CDC6: variants seen among roughly 807,000 people sequenced by gnomAD.
The protein encoded by CDC6 is cell division cycle 6.
Under a neutral mutation model 60.2 loss-of-function variants are expected in CDC6, and 46 were observed. The observed-to-expected ratio is 0.76, with a 90% CI of 0.60 to 0.98. The LOEUF is 0.98. CDC6 is among the 50% of genes least tolerant of loss of function. The pLI is 0.00. For synonymous variants in CDC6, 210 were observed against 233.2 expected, an observed-to-expected ratio of 0.90 and a Z score of 0.90; for missense variants, 596 against 652.9, an observed-to-expected ratio of 0.91 and a Z score of 0.95.
intron 4 of CDC6, among the ~76,000 whole-genome samples, chr17:40,293,164 G>A (rs1409199280): frequency 5.3e-5 from 8 of 152,006 alleles, no homozygotes; most frequent in Non-Finnish European, 4.4e-5. Flanking sequence ...ACTTCAACCC[G>A]GGAGGCAGAG....
At chr17:40,300,243 C>T (rs1161866303) in intron 9 of CDC6, among the ~76,000 whole-genome samples, 2 of 152,232 alleles carry the variant, frequency 1.3e-5, no homozygotes, top group African/African-American at 4.8e-5. Context: ...GGATTACAGG[C>T]GTGAGCCACT....
At position 40,302,224 on chromosome 17, in the gene CDC6, C is replaced by T. The variant is rs1227063441; in HGVS notation, c.*223C>T. On this transcript the variant is annotated 3_prime_UTR_variant, in exon 12 of 12. Coordinates refer to ENST00000209728, the MANE Select transcript of CDC6 (RefSeq NM_001254.4). ...TGACCAGGTAGACCCTTTTTAATTA[C>T]ATTCACTACTTCTACCACTTGTGTA... is the stretch of plus-strand genomic sequence containing the variant. The T allele has an allele frequency of 1.1e-5, 6 of 548,470 alleles. No homozygotes were observed. The highest frequency in any genetic ancestry group is 3.8e-5 in the African/African-American group (2 of 52,910). 34.0% of individuals were successfully genotyped at this position (548,470 alleles called of 1,614,324 possible). A position where few individuals can be genotyped will look rare whatever the true frequency, so the allele number is the denominator to read the frequency against.
rs2032949577 is a variant in CDC6 at position 40,302,157 on chromosome 17, C to T, written c.*156C>T. 3 of 670,384 alleles carry T rather than the reference C, an allele frequency of 4.5e-6. No individual in the cohort carries two copies. The highest frequency in any genetic ancestry group is 8.1e-6 in the Non-Finnish European group (3 of 370,602). 41.5% of individuals were successfully genotyped at this position (670,384 alleles called of 1,614,324 possible). A position where few individuals can be genotyped will look rare whatever the true frequency, so the allele number is the denominator to read the frequency against. On this transcript the variant is annotated 3_prime_UTR_variant, in exon 12 of 12. Coordinates refer to ENST00000209728, the MANE Select transcript of CDC6 (RefSeq NM_001254.4). ...ATCTATAGATTCTTTAATATTAGCA[C>T]AGAATAATATCTTTGGGTCTTACTA...
chr17:40,301,157 A>AT, intron 10 of CDC6, 127 bp downstream of exon 10: 3 of 771,986 alleles, frequency 3.9e-6, no homozygotes, highest in Non-Finnish European at 6.9e-6. Flanking sequence ...AACAGTAAGA[A>AT]TTAATACTGG....
At position 40,303,966 on chromosome 17, in the gene CDC6, C is replaced by T. The variant is rs1485413945; in HGVS notation, c.*1965C>T. ...ACCTCATTGTGTTTGAGGCTTGGCG[C>T]CTTCCTCTTAACTGTAGGGCTTGAG... On this transcript the variant is annotated 3_prime_UTR_variant, in exon 12 of 12. Coordinates refer to ENST00000209728, the MANE Select transcript of CDC6 (RefSeq NM_001254.4). The T allele has an allele frequency of 6.6e-6, 1 of 152,264 alleles. No homozygotes were observed. The highest frequency in any genetic ancestry group is 2.4e-5 in the African/African-American group (1 of 41,472). 9.4% of individuals were successfully genotyped at this position (152,264 alleles called of 1,614,324 possible). A position where few individuals can be genotyped will look rare whatever the true frequency, so the allele number is the denominator to read the frequency against.
chr17:40,288,821 C>T (rs1312580626), intron 1 of CDC6, among the ~76,000 whole-genome samples: 1 of 152,126 alleles, frequency 6.6e-6, no homozygotes, highest in African/African-American at 2.4e-5. Flanking sequence ...GTCTCGGCCT[C>T]CCAAAGTGTT....
Position 40,302,294 on chromosome 17 carries a change from A to C in CDC6, c.*293A>C. 5.3e-6 allele frequency: 2 copies of C among 377,598 alleles called. No individual in the cohort carries two copies. Among genetic ancestry groups the C allele is most frequent in the South Asian group, 3.0e-5 (1 of 32,996 alleles). 23.4% of individuals were successfully genotyped at this position (377,598 alleles called of 1,614,324 possible). ...CAAGTGTACAGATCTGTGTAGAGGA[A>C]TGTGTGTATATTTACCTCTTCGTTT... On this transcript the variant is annotated 3_prime_UTR_variant, in exon 12 of 12. Coordinates refer to ENST00000209728, the MANE Select transcript of CDC6 (RefSeq NM_001254.4).
chr17:40,289,980 C>T (rs573761792), intron 2 of CDC6, among the ~76,000 whole-genome samples: 2 of 151,842 alleles, frequency 1.3e-5, no homozygotes, highest in Admixed American at 1.3e-4. Flanking sequence ...CTGCCTCGGC[C>T]TCCCAAAGTG....
intron 1 of CDC6, among the ~76,000 whole-genome samples, chr17:40,288,861 G>C (rs1598512556): frequency 1.3e-5 from 2 of 152,236 alleles, no homozygotes; most frequent in East Asian, 3.9e-4. Flanking sequence ...ACCGCGTTTG[G>C]CCGTAATTTT....
chr17:40,294,632 T>C lies in CDC6; in HGVS notation c.1083+129T>C, dbSNP rs1283003390. The C allele has an allele frequency of 6.3e-6, 5 of 790,590 alleles. No homozygotes were observed. The African/African-American group carries it at 6.9e-5, about 11-fold the overall frequency. The allele number at this position is 790,590 out of a possible 1,614,324, so 49.0% of individuals were successfully genotyped here. ...TGGAGCAAGGAGTTCCTATGGACCA[T>C]AGTGAGAACATTTTTATGTGAATTT... On this transcript the variant is annotated intron_variant, in intron 7 of 11. Transcript: ENST00000209728.
intron 9 of CDC6, among the ~76,000 whole-genome samples, chr17:40,299,352 C>T (rs1349970268): frequency 6.6e-6 from 1 of 151,346 alleles, no homozygotes; most frequent in Non-Finnish European, 1.5e-5. Flanking sequence ...GGAAACCCAT[C>T]GCCTTGTTGC....
intron 9 of CDC6, among the ~76,000 whole-genome samples, chr17:40,297,163 G>A (rs1306086452): frequency 1.3e-5 from 2 of 152,124 alleles, no homozygotes; most frequent in Non-Finnish European, 2.9e-5. Flanking sequence ...GAAGCCAGGT[G>A]CGGTGGTTCA....
rs1298438044 is a variant in CDC6, at chr17:40,304,308, T to A, written c.*2307T>A. On this transcript the variant is annotated 3_prime_UTR_variant, in exon 12 of 12. Coordinates refer to ENST00000209728, the MANE Select transcript of CDC6 (RefSeq NM_001254.4). ...CCTTGTGGGAGCAAAAGCTGATATA[T>A]GTTTGTCAGTAAAGTCTTAAGTGTA... is the stretch of plus-strand genomic sequence containing the variant. 6.6e-6 allele frequency: 1 copy of A among 152,210 alleles called. No homozygotes were observed. The highest frequency in any genetic ancestry group is 2.4e-5 in the African/African-American group (1 of 41,448). 9.4% of individuals were successfully genotyped at this position (152,210 alleles called of 1,614,324 possible).
chr17:40,294,445 A>C lies in CDC6; in HGVS notation c.1025A>C (p.Asn342Thr), dbSNP rs1202951063. Reference protein sequence around the residue: ...AREKCKPQLLNFPPYTRNQIV... With the variant: ...AREKCKPQLLTFPPYTRNQIV... ...GAAAAATGTAAGCCACAGCTGTTGA[A>C]CTTCCCACCTTATACCAGAAATCAG... The change falls in exon 7 of 12, where the codon AAC becomes ACC. Residue 342 changes from asparagine (N) to threonine (T), a missense_variant. By Grantham distance (65) the Asn-to-Thr change is moderately conservative (BLOSUM62 0). Coordinates refer to ENST00000209728, the MANE Select transcript of CDC6 (RefSeq NM_001254.4). The C allele has an allele frequency of 5.6e-6, 9 of 1,613,722 alleles. No homozygotes were observed. Among genetic ancestry groups the C allele is most frequent in the Non-Finnish European group, 7.6e-6 (9 of 1,179,668 alleles).
intron 7 of CDC6, among the ~76,000 whole-genome samples, chr17:40,294,808 T>C (rs1322024772): frequency 6.6e-6 from 1 of 151,064 alleles, no homozygotes; most frequent in Non-Finnish European, 1.5e-5. Flanking sequence ...CTCTACAGCC[T>C]CTGCCTCACG....
rs2032845631 is a variant in CDC6, at chr17:40,295,566, C to CT, written c.1184+116dup. On this transcript the variant is annotated intron_variant, in intron 8 of 11. Transcript: ENST00000209728. ...TGGCTTAAGAGGCTCTGTTCTGCTA[C>CT]TTTTTTACGCTCAGAAAGGAGGACT... 34 of 746,716 alleles carry CT rather than the reference C, an allele frequency of 4.6e-5. No homozygotes were observed. In the South Asian group the frequency reaches 4.8e-4, roughly 10 times the overall value. 46.3% of individuals were successfully genotyped at this position (746,716 alleles called of 1,614,324 possible).
Position 40,296,699 on chromosome 17 carries a change from A to G in CDC6, c.1185-4A>G, listed in dbSNP as rs1432835276. On this transcript the variant is annotated splice_region_variant and splice_polypyrimidine_tract_variant and intron_variant, in intron 8 of 11. Coordinates refer to ENST00000209728, the MANE Select transcript of CDC6 (RefSeq NM_001254.4). ...TAAATTAATTTTAGAAATTTTTTTT[A>G]TAGGAGAGCTATTGAAATTGTAGAG... 14 of 1,576,222 alleles carry G rather than the reference A, an allele frequency of 8.9e-6. No homozygotes were observed. Among genetic ancestry groups the G allele is most frequent in the East Asian group, 2.2e-5 (1 of 44,708 alleles).
At chr17:40,296,901 C>A (rs1598517073) in intron 9 of CDC6, 134 bp downstream of exon 9, 1 of 739,872 alleles carries the variant, frequency 1.4e-6, no homozygotes, top group South Asian at 1.4e-5. Context: ...TGTTTTTAGT[C>A]CGTTTCGTCT....
At chr17:40,297,876 A>G (rs1404453415) in intron 9 of CDC6, among the ~76,000 whole-genome samples, 1 of 152,248 alleles carries the variant, frequency 6.6e-6, no homozygotes, top group African/African-American at 2.4e-5. Flanking sequence ...AGTAAGCTGC[A>G]TGGTATCACA....
Sources: allele counts gnomAD v4.1 joint callset (sites outside exome capture counted in the v4.1 genomes callset), GRCh38; gene constraint gnomAD v4.1.1; transcripts MANE v1.5; gene names NCBI Gene and HGNC (gene_info 2026-07-23, HGNC 2026-07-21).